The following PLEKHH2 variants were observed in gnomAD, a reference collection of about 807,000 sequenced individuals.
PLEKHH2 encodes the protein pleckstrin homology, MyTH4 and FERM domain containing H2.
A neutral mutation model predicts 187.9 loss-of-function variants in PLEKHH2; 129 were observed. The observed-to-expected ratio is 0.69, with a 90% CI of 0.59 to 0.79. The LOEUF (loss-of-function observed/expected upper bound fraction) is 0.79. Among genes scored for constraint, PLEKHH2 ranks in the 30% least tolerant of loss-of-function variants. PLEKHH2 has a pLI of 0.00. For missense variants in PLEKHH2, 2,076 were observed against 1,751.2 expected, an observed-to-expected ratio of 1.19 and a Z score of -3.31; for synonymous variants, 686 against 605.6, an observed-to-expected ratio of 1.13 and a Z score of -1.95.
At chr2:43,687,263 G>C (rs1448172910) in intron 3 of PLEKHH2, among the ~76,000 whole-genome samples, 2 of 152,134 alleles carry the variant, frequency 1.3e-5, no homozygotes, top group Non-Finnish European at 2.9e-5. Context: ...TTCAGTTCCT[G>C]CATTAATTCT....
In PLEKHH2 at chr2:43,766,824, C is replaced by G. The variant is rs1286595082; in HGVS notation, c.*1226C>G. 1 of 152,174 alleles carries G rather than the reference C, an allele frequency of 6.6e-6. No individual in the cohort carries two copies. Among genetic ancestry groups the G allele is most frequent in the Admixed American group, 6.5e-5 (1 of 15,268 alleles). 9.4% of individuals were successfully genotyped at this position (152,174 alleles called of 1,614,324 possible). On this transcript the variant is annotated 3_prime_UTR_variant, in exon 30 of 30. Transcript: ENST00000282406. ...TGTTGTCCAGCCTAGTCTCAAACTCCTGGGTTCAAGCAATCCTCCCACCTC... is the reference window on the plus strand; with the variant it reads ...TGTTGTCCAGCCTAGTCTCAAACTCGTGGGTTCAAGCAATCCTCCCACCTC...
intron 15 of PLEKHH2, among the ~76,000 whole-genome samples, chr2:43,716,303 G>C (rs1450305669): frequency 3.3e-5 from 5 of 152,134 alleles, no homozygotes; most frequent in Admixed American, 3.3e-4. Flanking sequence ...TGAAACTGGA[G>C]GAAAAGTGAG....
chr2:43,763,621 T>A (rs1672514521), intron 28 of PLEKHH2, among the ~76,000 whole-genome samples: 1 of 148,976 alleles, frequency 6.7e-6, no homozygotes, highest in Non-Finnish European at 1.5e-5. Context: ...AAACTGGGTC[T>A]CCCTATGTTG....
At chr2:43,658,213 T>C (rs1666888263) in intron 2 of PLEKHH2, among the ~76,000 whole-genome samples, 1 of 152,244 alleles carries the variant, frequency 6.6e-6, no homozygotes, top group Admixed American at 6.5e-5. Flanking sequence ...CTTGTTTTCT[T>C]CTGCTCCTTC....
intron 3 of PLEKHH2, among the ~76,000 whole-genome samples, chr2:43,683,979 C>A (rs1056201376): frequency 6.6e-6 from 1 of 152,146 alleles, no homozygotes; most frequent in East Asian, 1.9e-4. Flanking sequence ...GCTTTCTTCA[C>A]CATCAGCATC....
intron 2 of PLEKHH2, among the ~76,000 whole-genome samples, chr2:43,677,356 T>C (rs371767121): frequency 6.6e-6 from 1 of 152,202 alleles, no homozygotes; most frequent in South Asian, 2.1e-4. Flanking sequence ...CCCTCTGCAG[T>C]GTTTGTGTCC....
intron 19 of PLEKHH2, among the ~76,000 whole-genome samples, 187 bp from the exon 20 acceptor site, chr2:43,738,154 G>T (rs560409748): frequency 4.5e-4 from 69 of 152,078 alleles, no homozygotes; most frequent in South Asian, 8.3e-4. Flanking sequence ...AGAATTCCTT[G>T]CTCTGAAATC....
At chr2:43,647,152 A>G (rs1167951072) in intron 2 of PLEKHH2, among the ~76,000 whole-genome samples, 1 of 152,198 alleles carries the variant, frequency 6.6e-6, no homozygotes, top group African/African-American at 2.4e-5. Flanking sequence ...TTCTTATAAC[A>G]ACTTGTGAAG....
intron 23 of PLEKHH2, 160 bp downstream of exon 23, chr2:43,744,149 A>T: frequency 7.3e-7 from 1 of 1,376,696 alleles, no homozygotes; most frequent in South Asian, 1.7e-5. Flanking sequence ...GGACTTTGTT[A>T]AACCCATAGA....
chr2:43,744,633 C>CAA (rs1467528471), intron 23 of PLEKHH2, among the ~76,000 whole-genome samples: 2 of 151,964 alleles, frequency 1.3e-5, no homozygotes, highest in East Asian at 1.9e-4. Context: ...TTTGGGAGGC[C>CAA]GGGTCAGGTG....
intron 24 of PLEKHH2, among the ~76,000 whole-genome samples, chr2:43,749,140 GAAATTTGGATA>G (rs1454671474): frequency 6.6e-6 from 1 of 152,206 alleles, no homozygotes; most frequent in Non-Finnish European, 1.5e-5. Context: ...GAACTGAAGT[GAAATTTGGATA>G]AAATTTGGAT....
chr2:43,678,961 G>A (rs779447338), intron 3 of PLEKHH2, 36 bp downstream of exon 3: 4 of 1,404,836 alleles, frequency 2.8e-6, no homozygotes, highest in South Asian at 2.4e-5. Context: ...TTTTTTGCCT[G>A]TACTACTCAC....
At chr2:43,720,881 G>A (rs752313983) in intron 16 of PLEKHH2, 132 bp downstream of exon 16, 111 of 1,349,950 alleles carry the variant, frequency 8.2e-5, no homozygotes, top group Non-Finnish European at 1.0e-4. Flanking sequence ...GTATAATTTG[G>A]TGCAACTGAG....
At chr2:43,729,162 A>G (rs867853194) in intron 17 of PLEKHH2, among the ~76,000 whole-genome samples, 4 of 152,330 alleles carry the variant, frequency 2.6e-5, no homozygotes, top group Admixed American at 1.3e-4. Context: ...TAATTCAACT[A>G]TGTAAAAATT....
Position 43,651,098 on chromosome 2 carries a change from T to C in PLEKHH2, c.123+6302T>C, listed in dbSNP as rs577952698. ...GATTGTGAAAATGTAGTGATTACCCTTTATCAAAGTTTATCCTCACAACAT... is the reference window on the plus strand; with the variant it reads ...GATTGTGAAAATGTAGTGATTACCCCTTATCAAAGTTTATCCTCACAACAT... On this transcript the variant is annotated intron_variant, in intron 2 of 29. Coordinates refer to ENST00000282406, the MANE Select transcript of PLEKHH2 (RefSeq NM_172069.4). 2.6e-5 allele frequency among the ~76,000 whole-genome samples: 4 copies of C among 152,316 alleles called. No individual in the cohort carries two copies. In the East Asian group the frequency reaches 7.7e-4, roughly 29 times the overall value.
intron 24 of PLEKHH2, among the ~76,000 whole-genome samples, 188 bp downstream of exon 24, chr2:43,746,151 C>G (rs565325128): frequency 2.0e-5 from 3 of 152,192 alleles, no homozygotes; most frequent in Admixed American, 6.5e-5. Flanking sequence ...TAATTCTAGT[C>G]TCTTAATGTC....
intron 3 of PLEKHH2, among the ~76,000 whole-genome samples, chr2:43,684,184 T>C (rs1000944680): frequency 6.6e-6 from 1 of 151,942 alleles, no homozygotes; most frequent in African/African-American, 2.4e-5. Flanking sequence ...TCCTTTTCCT[T>C]CTTTTCTCCT....
intron 2 of PLEKHH2, among the ~76,000 whole-genome samples, chr2:43,645,242 G>C (rs939446475): frequency 1.3e-5 from 2 of 152,028 alleles, no homozygotes; most frequent in South Asian, 2.1e-4. Context: ...ATTCTTGCCT[G>C]GGCTAGAATT....
At chr2:43,668,464 A>T (rs1574502719) in intron 2 of PLEKHH2, among the ~76,000 whole-genome samples, 3 of 152,334 alleles carry the variant, frequency 2.0e-5, no homozygotes, top group Admixed American at 2.0e-4. Flanking sequence ...CTCTGTATTC[A>T]TAATCATAAA....
Sources: allele counts gnomAD v4.1 joint callset (sites outside exome capture counted in the v4.1 genomes callset), GRCh38; gene constraint gnomAD v4.1.1; transcripts MANE v1.5; gene names NCBI Gene and HGNC (gene_info 2026-07-23, HGNC 2026-07-21).